Variants in RANBP3 observed in about 807,000 individuals in gnomAD.
RANBP3 encodes ran-binding protein 3.
In RANBP3, 14 loss-of-function variants were observed where a neutral mutation model predicts 77.3. The observed-to-expected ratio is 0.18, with a 90% CI of 0.12 to 0.28. RANBP3 has a LOEUF of 0.28. Ranked by LOEUF, RANBP3 falls within the 10% of genes least tolerant of loss-of-function variation. The probability of loss-of-function intolerance (pLI) is 1.00; values close to 1 mark genes in which losing one functional copy is unlikely to be tolerated. For synonymous variants in RANBP3, 315 were observed against 312.4 expected (o/e 1.01, Z -0.09); for missense variants, 586 against 752.3 (o/e 0.78, Z 2.59).
At chr19:5,925,761 G>A (rs376778317) in intron 9 of RANBP3, 24 bp from the exon 10 acceptor site, 112 of 1,588,572 alleles carry the variant, frequency 7.1e-5, no homozygotes, top group Non-Finnish European at 9.2e-5. Context: ...GGAGCGCTCA[G>A]TAATCGGGGG....
chr19:5,921,398 T>C lies in RANBP3; in HGVS notation c.1210-77A>G. 1 of 1,566,692 alleles carries C rather than the reference T, an allele frequency of 6.4e-7. No homozygotes were observed. The highest frequency in any genetic ancestry group is 8.7e-7 in the Non-Finnish European group (1 of 1,152,994). On this transcript the variant is annotated intron_variant, in intron 13 of 16. Transcript: ENST00000340578. The surrounding 1 kb of genome is among the most constrained non-coding windows in gnomAD (Gnocchi z 5.3). ...CAGCCACACCCTGAGAGTCGCCCTT[T>C]AGCCTGTGGGGACTGCCAGGGCCAG... is the stretch of plus-strand genomic sequence containing the variant.
chr19:5,925,074 C>T (rs968890587), intron 10 of RANBP3, 169 bp from the exon 11 acceptor site: 22 of 672,930 alleles, frequency 3.3e-5, no homozygotes, highest in Non-Finnish European at 4.5e-5. Context: ...CTCCCTGTGC[C>T]ATTGAAAACA....
In RANBP3 at chr19:5,925,607, G is replaced by A. The variant is rs768261483; in HGVS notation, c.917+27C>T. 5 of 1,602,880 alleles carry A rather than the reference G, an allele frequency of 3.1e-6. No individual in the cohort carries two copies. The South Asian group carries it at 3.3e-5, about 11-fold the overall frequency. ...GCGGCCACCTGCATCGCCATGCCAGGCTGGCCGCTGACACCGAGACACACA... is the reference window on the plus strand; with the variant it reads ...GCGGCCACCTGCATCGCCATGCCAGACTGGCCGCTGACACCGAGACACACA... On this transcript the variant is annotated intron_variant, in intron 10 of 16. Coordinates refer to ENST00000340578, the MANE Select transcript of RANBP3 (RefSeq NM_007322.3).
intron 1 of RANBP3, 38 bp downstream of exon 1, chr19:5,978,023 C>T (rs530517294): frequency 5.8e-5 from 94 of 1,607,950 alleles, no homozygotes; most frequent in African/African-American, 5.0e-4. Context: ...CCGCCCGTTC[C>T]CCGGCCGCCA....
At chr19:5,923,709 G>A in intron 12 of RANBP3, 103 bp downstream of exon 12, 1 of 846,538 alleles carries the variant, frequency 1.2e-6, no homozygotes, top group Non-Finnish European at 1.9e-6. Flanking sequence ...TACTGCTGCG[G>A]GAGTCGGGCC....
intron 5 of RANBP3, among the ~76,000 whole-genome samples, chr19:5,941,222 G>C (rs768373527): frequency 1.3e-5 from 2 of 152,212 alleles, no homozygotes; most frequent in African/African-American, 4.8e-5. Flanking sequence ...TGGACTGCCC[G>C]TGCTGGGCAT....
At position 5,924,577 on chromosome 19, in the gene RANBP3, T is replaced by G. The variant is rs2057875668; in HGVS notation, c.996+250A>C. Among the ~76,000 whole-genome samples the G allele has an allele frequency of 6.6e-6, 1 of 152,220 alleles. No individual in the cohort carries two copies. Among genetic ancestry groups the G allele is most frequent in the East Asian group, 1.9e-4 (1 of 5,198 alleles). On this transcript the variant is annotated intron_variant, in intron 11 of 16. Transcript: ENST00000340578. The surrounding 1 kb of genome is among the most constrained non-coding windows in gnomAD (Gnocchi z 4.7). ...ACCCTGCAGCCTCCAGGGAAGCCCA[T>G]CTTGGGATGAAGTTGGCCCTGGTCA...
In RANBP3 at chr19:5,924,468, C is replaced by T. The variant is rs2057874259; in HGVS notation, c.996+359G>A. 6.6e-6 allele frequency among the ~76,000 whole-genome samples: 1 copy of T among 152,272 alleles called. No homozygotes were observed. The highest frequency in any genetic ancestry group is 6.5e-5 in the Admixed American group (1 of 15,292). On this transcript the variant is annotated intron_variant, in intron 11 of 16. Transcript: ENST00000340578. This position sits in a 1 kb window ranked among gnomAD's most constrained non-coding sequence, Gnocchi z 4.7. ...GGAGCAGGGAGGCCAGCAACCCTGT[C>T]CACCAGCACGGCTGGCTCCGTCCCA...
At chr19:5,951,625 A>C in intron 2 of RANBP3, 29 bp from the exon 3 acceptor site, 1 of 1,590,770 alleles carries the variant, frequency 6.3e-7, no homozygotes, top group Non-Finnish European at 8.6e-7. Context: ...ATTTTCCTTC[A>C]ATGTGAATAA....
At chr19:5,937,978 G>A (rs2058088031) in intron 5 of RANBP3, among the ~76,000 whole-genome samples, 1 of 152,122 alleles carries the variant, frequency 6.6e-6, no homozygotes. Context: ...CCTGCTAAGC[G>A]ACACCCCAGG....
chr19:5,926,743 C>A (rs903855477), intron 9 of RANBP3, among the ~76,000 whole-genome samples: 1 of 152,128 alleles, frequency 6.6e-6, no homozygotes, highest in Non-Finnish European at 1.5e-5. Context: ...AGCCCTTCCC[C>A]GCCTCTTGCC....
At chr19:5,957,778 G>C in intron 2 of RANBP3, 140 bp downstream of exon 2, 2 of 857,248 alleles carry the variant, frequency 2.3e-6, no homozygotes, top group Non-Finnish European at 3.8e-6. Flanking sequence ...AGCTCAACGT[G>C]AAAGTGTAAA....
At chr19:5,942,901 G>C (rs562158758) in intron 3 of RANBP3, among the ~76,000 whole-genome samples, 69 of 152,134 alleles carry the variant, frequency 4.5e-4, no homozygotes, top group African/African-American at 1.6e-3. Context: ...GGGGGTGAAT[G>C]CCTGTAGCCC....
intron 5 of RANBP3, among the ~76,000 whole-genome samples, chr19:5,939,075 C>T (rs2058101378): frequency 6.6e-6 from 1 of 152,068 alleles, no homozygotes. Context: ...ATCCCAGCTA[C>T]TCGGGAAGCT....
chr19:5,917,593 A>G lies in RANBP3; in HGVS notation c.*17T>C, dbSNP rs1289155348. ...CGGACAAAGCAGCAGCCTGGTGTGC[A>G]GCCGGGCTCCCGGCCGCTATGTGCT... On this transcript the variant is annotated 3_prime_UTR_variant, in exon 17 of 17. Transcript: ENST00000340578. The G allele has an allele frequency of 1.5e-5, 23 of 1,583,248 alleles. No homozygotes were observed. The highest frequency in any genetic ancestry group is 2.2e-4 in the Middle Eastern group (1 of 4,532).
At chr19:5,947,644 G>A (rs913689756) in intron 3 of RANBP3, among the ~76,000 whole-genome samples, 1 of 152,242 alleles carries the variant, frequency 6.6e-6, no homozygotes, top group African/African-American at 2.4e-5. Flanking sequence ...GGAGTGAACA[G>A]AGCAGGCTCA....
intron 2 of RANBP3, among the ~76,000 whole-genome samples, chr19:5,954,679 C>G (rs2058314808): frequency 6.6e-6 from 1 of 152,172 alleles, no homozygotes; most frequent in Non-Finnish European, 1.5e-5. Context: ...GCTCTAAAAG[C>G]TCGGTCCCAG....
chr19:5,941,395 G>T (rs1033388751), intron 5 of RANBP3, among the ~76,000 whole-genome samples: 37 of 152,052 alleles, frequency 2.4e-4, no homozygotes, highest in Non-Finnish European at 4.7e-4. Context: ...TCTTCCTCAG[G>T]CCACCAAGTC....
intron 9 of RANBP3, 143 bp from the exon 10 acceptor site, chr19:5,925,880 T>A: frequency 1.6e-6 from 1 of 644,088 alleles, no homozygotes; most frequent in Non-Finnish European, 2.8e-6. Context: ...TGTGTGCGCG[T>A]GCATGTGCTG....
Sources: allele counts gnomAD v4.1 joint callset (sites outside exome capture counted in the v4.1 genomes callset), GRCh38; gene constraint gnomAD v4.1.1; non-coding constraint Gnocchi (gnomAD v3.1); transcripts MANE v1.5; gene names NCBI Gene and HGNC (gene_info 2026-07-23, HGNC 2026-07-21).